KAT6B: variants seen among roughly 807,000 people sequenced by gnomAD.
KAT6B encodes histone acetyltransferase KAT6B.
In KAT6B, 10 loss-of-function variants were observed where a neutral mutation model predicts 187.5. That is an observed-to-expected ratio of 0.05 (90% CI 0.03 to 0.09). The LOEUF (loss-of-function observed/expected upper bound fraction) is 0.09, where lower values mean the gene tolerates loss of function less well. Among genes scored for constraint, KAT6B ranks in the 10% least tolerant of loss-of-function variants. The pLI is 1.00. For missense variants in KAT6B, 1,952 were observed against 2,558.9 expected (o/e 0.76, Z 5.12); for synonymous variants, 861 against 926.8 (o/e 0.93, Z 1.29).
rs543663743 is a variant in KAT6B, at chr10:74,909,746, C to A, written c.622-50224C>A. Among the ~76,000 whole-genome samples the A allele has an allele frequency of 3.9e-5, 6 of 152,238 alleles. No homozygotes were observed. In the East Asian group the frequency reaches 1.2e-3, roughly 29 times the overall value. ...AGACCTAAATTTCTTCCCCCAAGTT[C>A]TTTGTCTATATAGAGTACTCAGCAC... On this transcript the variant is annotated intron_variant, in intron 3 of 17. Coordinates refer to ENST00000287239, the MANE Select transcript of KAT6B (RefSeq NM_012330.4).
At chr10:74,828,654 G>T (rs945303948) in intron 1 of KAT6B, among the ~76,000 whole-genome samples, 1 of 137,606 alleles carries the variant, frequency 7.3e-6, no homozygotes, top group Non-Finnish European at 1.5e-5. Flanking sequence ...TGCAAGCTCC[G>T]CCTCCCGGGT....
chr10:74,846,585 C>T (rs757923339), intron 3 of KAT6B, among the ~76,000 whole-genome samples: 5 of 151,922 alleles, frequency 3.3e-5, no homozygotes, highest in Non-Finnish European at 7.4e-5. Context: ...ACTACAGGAG[C>T]GTGCCACCAT....
chr10:75,029,612 C>T lies in KAT6B; in HGVS notation c.4788C>T (p.His1596=). The T allele has an allele frequency of 6.2e-7, 1 of 1,614,152 alleles. No individual in the cohort carries two copies. Among genetic ancestry groups the T allele is most frequent in the Non-Finnish European group, 8.5e-7 (1 of 1,180,018 alleles). ...TTLDDCQQSD[H]SSPVSSVHSH... is the part of the protein sequence containing the mutation. ...TCGACGATTGCCAACAGTCGGACCACAGTAGCCCAGTTTCATCCGTCCACT... is the reference window on the plus strand; with the variant it reads ...TCGACGATTGCCAACAGTCGGACCATAGTAGCCCAGTTTCATCCGTCCACT... Residue 1596 remains histidine, a synonymous_variant, in exon 18 of 18, where the codon CAC becomes CAT. Transcript: ENST00000287239. This position sits in a 1 kb window ranked among gnomAD's most constrained non-coding sequence, Gnocchi z 6.2.
intron 7 of KAT6B, among the ~76,000 whole-genome samples, chr10:74,974,364 C>T (rs747222537): frequency 8.5e-5 from 13 of 152,148 alleles, no homozygotes; most frequent in Non-Finnish European, 1.8e-4. Flanking sequence ...TTTTATAATT[C>T]AGTATTGTAT....
rs531374162 is a variant in KAT6B at position 74,907,595 on chromosome 10, C to T, written c.622-52375C>T. Among the ~76,000 whole-genome samples, 5 of 152,114 alleles carry T rather than the reference C, an allele frequency of 3.3e-5. No homozygotes were observed. The South Asian group carries it at 6.2e-4, about 19-fold the overall frequency. On this transcript the variant is annotated intron_variant, in intron 3 of 17. Coordinates refer to ENST00000287239, the MANE Select transcript of KAT6B (RefSeq NM_012330.4). ...AGGCTGGAGTGCAATGGCATGGTCT[C>T]GGCTCACTGCAACCTCCTCTGCCTC...
chr10:74,867,097 G>T (rs1843605634), intron 3 of KAT6B, among the ~76,000 whole-genome samples: 1 of 152,078 alleles, frequency 6.6e-6, no homozygotes, highest in Admixed American at 6.6e-5. Flanking sequence ...GATAACTAGA[G>T]CTAGCTGCAT....
chr10:74,932,654 G>T (rs983523388), intron 3 of KAT6B, among the ~76,000 whole-genome samples: 5 of 152,202 alleles, frequency 3.3e-5, no homozygotes, highest in African/African-American at 9.7e-5. Context: ...GGGGGGCCAA[G>T]CATGGTATCA....
intron 11 of KAT6B, chr10:74,982,281 G>A (rs1842559091): frequency 3.2e-6 from 1 of 317,340 alleles, no homozygotes; most frequent in South Asian, 2.8e-5. Flanking sequence ...CCAATGTCTG[G>A]CAGGTGCTCA....
chr10:74,931,949 T>C (rs1848911510), intron 3 of KAT6B, among the ~76,000 whole-genome samples: 1 of 152,038 alleles, frequency 6.6e-6, no homozygotes, highest in South Asian at 2.1e-4. Context: ...CGATCTCAAG[T>C]AATCCTCCTG....
At chr10:74,897,818 C>G (rs566729776) in intron 3 of KAT6B, among the ~76,000 whole-genome samples, 1 of 152,224 alleles carries the variant, frequency 6.6e-6, no homozygotes, top group South Asian at 2.1e-4. Flanking sequence ...TAAATGAACA[C>G]TAGGAATCTA....
At chr10:74,910,252 C>G (rs972977116) in intron 3 of KAT6B, among the ~76,000 whole-genome samples, 1 of 152,092 alleles carries the variant, frequency 6.6e-6, no homozygotes, top group Non-Finnish European at 1.5e-5. Context: ...GAGCCAAGAT[C>G]GTGCCATTGC....
intron 3 of KAT6B, among the ~76,000 whole-genome samples, chr10:74,900,439 T>G (rs1846295602): frequency 6.6e-6 from 1 of 152,226 alleles, no homozygotes; most frequent in Non-Finnish European, 1.5e-5. Flanking sequence ...GAGTAGGTTT[T>G]GCGTTTTGCT....
intron 1 of KAT6B, among the ~76,000 whole-genome samples, chr10:74,828,353 C>T (rs1054773953): frequency 1.3e-5 from 2 of 151,958 alleles, no homozygotes; most frequent in African/African-American, 4.8e-5. Context: ...CAGGGTAGAG[C>T]ATATGAGGGC....
chr10:74,986,931 A>G (rs1248764656), intron 12 of KAT6B, among the ~76,000 whole-genome samples: 1 of 152,154 alleles, frequency 6.6e-6, no homozygotes, highest in Non-Finnish European at 1.5e-5. Flanking sequence ...AGTAGCAGCC[A>G]TGTGTAGAGT....
At chr10:74,902,041 C>T (rs1432741167) in intron 3 of KAT6B, among the ~76,000 whole-genome samples, 1 of 152,112 alleles carries the variant, frequency 6.6e-6, no homozygotes, top group Non-Finnish European at 1.5e-5. Flanking sequence ...TCCGTCCCTG[C>T]TTTTCTCTGT....
chr10:74,835,983 T>C (rs1408542152), intron 1 of KAT6B, among the ~76,000 whole-genome samples: 2 of 152,232 alleles, frequency 1.3e-5, no homozygotes, highest in African/African-American at 4.8e-5. Context: ...GCAGTTTCTC[T>C]AGATATGTCC....
chr10:74,932,104 C>G (rs914822130), intron 3 of KAT6B, among the ~76,000 whole-genome samples: 19 of 152,166 alleles, frequency 1.2e-4, no homozygotes, highest in African/African-American at 4.1e-4. Context: ...TTCTTTGAAT[C>G]TTTTATGGCA....
chr10:74,899,590 A>T (rs1374210636), intron 3 of KAT6B, among the ~76,000 whole-genome samples: 2 of 152,130 alleles, frequency 1.3e-5, no homozygotes, highest in Non-Finnish European at 2.9e-5. Context: ...ATGAATTTTT[A>T]AAACTCCAGC....
intron 4 of KAT6B, among the ~76,000 whole-genome samples, chr10:74,961,207 T>G (rs1316970372): frequency 2.0e-5 from 3 of 152,160 alleles, no homozygotes; most frequent in Non-Finnish European, 4.4e-5. Flanking sequence ...TATCTGTACG[T>G]TCAGTTTAAT....
Sources: gnomAD v4.1 joint callset for allele counts (sites outside exome capture counted in the v4.1 genomes callset) on GRCh38, gnomAD v4.1.1 for gene constraint, Gnocchi (gnomAD v3.1) non-coding constraint, MANE v1.5 for transcripts, NCBI Gene and HGNC (gene_info 2026-07-23, HGNC 2026-07-21) for gene names.